Variants in CWC27 observed in about 807,000 individuals in gnomAD.
CWC27 encodes spliceosome-associated protein CWC27 homolog.
A neutral mutation model predicts 63.6 loss-of-function variants in CWC27; 47 were observed. That is an observed-to-expected ratio of 0.74 (90% confidence interval 0.58 to 0.94). The LOEUF is 0.94. Ranked by LOEUF, CWC27 falls within the 40% of genes least tolerant of loss-of-function variation. CWC27 has a pLI of 0.00. For missense variants in CWC27, 495 were observed against 554.3 expected, an observed-to-expected ratio of 0.89 and a Z score of 1.07; for synonymous variants, 175 against 179.8, an observed-to-expected ratio of 0.97 and a Z score of 0.22.
At position 64,785,536 on chromosome 5, in the gene CWC27, A is replaced by G; in HGVS notation, c.452A>G (p.Asp151Gly). The G allele has an allele frequency of 1.9e-6, 3 of 1,583,906 alleles. No individual in the cohort carries two copies. Among genetic ancestry groups the G allele is most frequent in the Non-Finnish European group, 2.6e-6 (3 of 1,168,944 alleles). Residue 151 changes from aspartate (D) to glycine (G), a missense_variant, in exon 5 of 14, where the codon GAT becomes GGT. Physicochemically the swap from Asp to Gly is moderately conservative, Grantham distance 94 (BLOSUM62 -1). Transcript: ENST00000381070. ...MLRLSEVDID[D>G]DERPHNPHKI... ...CGACTGTCAGAAGTAGACATTGATG[A>G]TGACGAAAGACCACATAATCCACAC... is the stretch of plus-strand genomic sequence containing the variant.
At chr5:64,864,190 A>G (rs1746482857) in intron 10 of CWC27, among the ~76,000 whole-genome samples, 1 of 152,180 alleles carries the variant, frequency 6.6e-6, no homozygotes, top group Non-Finnish European at 1.5e-5. Context: ...AGTATTATTT[A>G]TGCCTCGTGG....
chr5:64,990,925 T>C (rs938570467), intron 13 of CWC27, among the ~76,000 whole-genome samples: 1 of 152,240 alleles, frequency 6.6e-6, no homozygotes, highest in African/African-American at 2.4e-5. Flanking sequence ...TTTGCATATT[T>C]TGAAAACTAT....
At position 64,785,132 on chromosome 5, in the gene CWC27, T is replaced by G. The variant is rs560282029; in HGVS notation, c.397-349T>G. ...AATGTCTCTAAAGCATTTACCACATTGTTATTGTTATTTGCTTATTTTATC... is the reference window on the plus strand; with the variant it reads ...AATGTCTCTAAAGCATTTACCACATGGTTATTGTTATTTGCTTATTTTATC... On this transcript the variant is annotated intron_variant, in intron 4 of 13. Coordinates refer to ENST00000381070, the MANE Select transcript of CWC27 (RefSeq NM_005869.4). Among the ~76,000 whole-genome samples the G allele has an allele frequency of 1.1e-4, 16 of 152,328 alleles. No homozygotes were observed. The South Asian group carries it at 3.3e-3, about 32-fold the overall frequency.
chr5:64,908,959 A>G (rs944903078), intron 11 of CWC27, among the ~76,000 whole-genome samples: 2 of 152,068 alleles, frequency 1.3e-5, no homozygotes, highest in East Asian at 3.9e-4. Flanking sequence ...CCATTAGTTG[A>G]TGCAGTTTCT....
chr5:64,777,438 CA>C (rs1743496474), intron 2 of CWC27, among the ~76,000 whole-genome samples: 2 of 151,896 alleles, frequency 1.3e-5, no homozygotes, highest in Non-Finnish European at 2.9e-5. Flanking sequence ...TAGTTAAACA[CA>C]AAACAGGATT....
At chr5:65,004,127 G>A (rs958374822) in intron 13 of CWC27, among the ~76,000 whole-genome samples, 5 of 152,148 alleles carry the variant, frequency 3.3e-5, no homozygotes, top group African/African-American at 1.2e-4. Context: ...TTTCAGGCAT[G>A]AGCCAACATG....
At chr5:64,941,813 GA>G (rs1467048416) in intron 11 of CWC27, among the ~76,000 whole-genome samples, 4 of 151,666 alleles carry the variant, frequency 2.6e-5, no homozygotes, top group Non-Finnish European at 4.4e-5. Flanking sequence ...ATATCAGATA[GA>G]TATGGGCTTC....
rs576558212 is a variant in CWC27 at position 64,942,301 on chromosome 5, G to T, written c.1043-29402G>T. 6.6e-4 allele frequency among the ~76,000 whole-genome samples: 101 copies of T among 151,922 alleles called. 2 individuals are homozygous for T. The South Asian group carries it at 0.01, about 15-fold the overall frequency. On this transcript the variant is annotated intron_variant, in intron 11 of 13. Coordinates refer to ENST00000381070, the MANE Select transcript of CWC27 (RefSeq NM_005869.4). ...ACAAAATAGCCGGGCATGGTGGTAT[G>T]CACCTGTAGTTGTAGCTACTCAGGA... is the stretch of plus-strand genomic sequence containing the variant.
intron 13 of CWC27, among the ~76,000 whole-genome samples, chr5:64,997,597 C>T (rs1181224556): frequency 1.3e-5 from 2 of 151,952 alleles, no homozygotes; most frequent in African/African-American, 4.8e-5. Context: ...CAGTGATTAA[C>T]TTAAGGTTGG....
chr5:64,835,208 T>A (rs933062275), intron 10 of CWC27, among the ~76,000 whole-genome samples: 8 of 151,984 alleles, frequency 5.3e-5, no homozygotes, highest in African/African-American at 1.9e-4. Flanking sequence ...TTATTCACTG[T>A]GCATTAACAT....
intron 11 of CWC27, among the ~76,000 whole-genome samples, chr5:64,925,656 G>A (rs1309507828): frequency 6.6e-6 from 1 of 152,174 alleles, no homozygotes; most frequent in Admixed American, 6.5e-5. Flanking sequence ...TAAAGGGAGA[G>A]GTGTGTTCAT....
In CWC27 at chr5:64,820,067, T is replaced by C. The variant is rs979788514; in HGVS notation, c.938+15681T>C. Among the ~76,000 whole-genome samples the C allele has an allele frequency of 3.0e-4, 46 of 152,212 alleles. 1 individual carries two copies. The highest frequency in any genetic ancestry group is 6.5e-5 in the Admixed American group (1 of 15,276). ...AATTTTCAGTTTATTCTTTCAAAAG[T>C]TTTAACTAATATTTTAAGAGTGTTT... is the stretch of plus-strand genomic sequence containing the variant. On this transcript the variant is annotated intron_variant, in intron 10 of 13. Coordinates refer to ENST00000381070, the MANE Select transcript of CWC27 (RefSeq NM_005869.4).
chr5:64,933,570 G>GC (rs1165230484), intron 11 of CWC27, among the ~76,000 whole-genome samples: 18 of 148,946 alleles, frequency 1.2e-4, no homozygotes, highest in African/African-American at 4.5e-4. Flanking sequence ...TCGGCTCGCT[G>GC]CAACCTCCAC....
Position 64,878,470 on chromosome 5 carries a change from T to TAAAAA in CWC27, c.939-6947_939-6943dup, listed in dbSNP as rs397998002. Among the ~76,000 whole-genome samples, 78 of 26,930 alleles carry TAAAAA rather than the reference T, an allele frequency of 2.9e-3. 9 individuals carry two copies. The highest frequency in any genetic ancestry group is 5.0e-3 in the African/African-American group (41 of 8,180). 17.7% of individuals were successfully genotyped at this position (26,930 alleles called of 152,430 possible). A position where few individuals can be genotyped will look rare whatever the true frequency, so the allele number is the denominator to read the frequency against. On this transcript the variant is annotated intron_variant, in intron 10 of 13. Coordinates refer to ENST00000381070, the MANE Select transcript of CWC27 (RefSeq NM_005869.4). The stretch of plus-strand genomic sequence containing the variant: ...GTCAGCACTGTCCTGGGTTACAGAT[T>TAAAAA]AAAAAAAAAAAAAAAAAAAAAAAAA...
In CWC27 at chr5:64,871,629, G is replaced by A. The variant is rs924220408; in HGVS notation, c.939-13814G>A. Among the ~76,000 whole-genome samples the A allele has an allele frequency of 9.2e-5, 14 of 152,100 alleles. No individual in the cohort carries two copies. In the South Asian group the frequency reaches 2.9e-3, roughly 32 times the overall value. On this transcript the variant is annotated intron_variant, in intron 10 of 13. Coordinates refer to ENST00000381070, the MANE Select transcript of CWC27 (RefSeq NM_005869.4). The stretch of plus-strand genomic sequence containing the variant: ...AGGAGTTTGGACTTTGAGAATTAAG[G>A]GTCACTGTAGCATTGAAGTGATGAG...
intron 11 of CWC27, among the ~76,000 whole-genome samples, chr5:64,953,306 G>T (rs1178460782): frequency 6.6e-6 from 1 of 151,942 alleles, no homozygotes; most frequent in Non-Finnish European, 1.5e-5. Flanking sequence ...TACCTTGAAG[G>T]CCATAGTAGT....
At chr5:64,975,283 G>A (rs1230818716) in intron 12 of CWC27, among the ~76,000 whole-genome samples, 1 of 152,084 alleles carries the variant, frequency 6.6e-6, no homozygotes, top group Non-Finnish European at 1.5e-5. Flanking sequence ...TTCATGAACT[G>A]TGATCTTATT....
chr5:64,901,376 T>A (rs962734640), intron 11 of CWC27, among the ~76,000 whole-genome samples: 2 of 149,782 alleles, frequency 1.3e-5, no homozygotes, highest in Non-Finnish European at 3.0e-5. Flanking sequence ...CAGAATGGCG[T>A]GAACCCGGGA....
At chr5:64,919,383 G>T (rs1029750402) in intron 11 of CWC27, among the ~76,000 whole-genome samples, 1 of 152,064 alleles carries the variant, frequency 6.6e-6, no homozygotes, top group African/African-American at 2.4e-5. Context: ...AGGTTCAGAG[G>T]GTGCAAGTGC....
Sources: gnomAD v4.1 joint callset for allele counts (sites outside exome capture counted in the v4.1 genomes callset) on GRCh38, gnomAD v4.1.1 for gene constraint, MANE v1.5 for transcripts, NCBI Gene and HGNC (gene_info 2026-07-23, HGNC 2026-07-21) for gene names.